CNGB3: variants seen among roughly 807,000 people sequenced by gnomAD.
CNGB3 encodes cyclic nucleotide gated channel subunit beta 3, also known as cyclic nucleotide-gated channel beta-3.
In CNGB3, 86 loss-of-function variants were observed where a neutral mutation model predicts 92.8. That is an observed-to-expected ratio of 0.93 (90% confidence interval 0.78 to 1.11). The LOEUF (loss-of-function observed/expected upper bound fraction) is 1.11. Among genes scored for constraint, CNGB3 ranks in the 50% least tolerant of loss-of-function variants. CNGB3 has a pLI of 0.00. For missense variants in CNGB3, 1,026 were observed against 956.8 expected (o/e 1.07, Z -0.95); for synonymous variants, 333 against 332.7 (o/e 1.00, Z -0.01).
chr8:86,674,513 T>G (rs1323370985), intron 3 of CNGB3, among the ~76,000 whole-genome samples: 1 of 152,250 alleles, frequency 6.6e-6, no homozygotes, highest in Non-Finnish European at 1.5e-5. Flanking sequence ...GAATGTATTT[T>G]TCTTTAGGTA....
intron 11 of CNGB3, among the ~76,000 whole-genome samples, chr8:86,631,178 G>A (rs1045289288): frequency 6.6e-6 from 1 of 152,068 alleles, no homozygotes; most frequent in African/African-American, 2.4e-5. Flanking sequence ...TCAAACATTC[G>A]TGTGTGTATG....
At chr8:86,581,311 T>C (rs554209824) in intron 15 of CNGB3, among the ~76,000 whole-genome samples, 1 of 152,186 alleles carries the variant, frequency 6.6e-6, no homozygotes, top group South Asian at 2.1e-4. Flanking sequence ...TTTTAATAAA[T>C]TGTTGGAGGC....
rs549726875 is a variant in CNGB3, at chr8:86,673,672, T to C, written c.339-2574A>G. On this transcript the variant is annotated intron_variant, in intron 3 of 17. Transcript: ENST00000320005. ...AGCTGTACTGGAGCTTTTGGATAATTCAAAGAAGAAATCAAGAATGACTAA... is the reference window on the plus strand; with the variant it reads ...AGCTGTACTGGAGCTTTTGGATAATCCAAAGAAGAAATCAAGAATGACTAA... Among the ~76,000 whole-genome samples, 13 of 152,248 alleles carry C rather than the reference T, an allele frequency of 8.5e-5. No homozygotes were observed. The South Asian group carries it at 1.7e-3, about 19-fold the overall frequency.
intron 15 of CNGB3, chr8:86,593,871 C>G (rs1228951970): frequency 2.8e-6 from 2 of 705,348 alleles, no homozygotes; most frequent in Non-Finnish European, 5.0e-6. Flanking sequence ...GGCAGCATAG[C>G]CAGGTCCTGC....
At chr8:86,615,659 T>C (rs980147131) in intron 13 of CNGB3, among the ~76,000 whole-genome samples, 1 of 152,050 alleles carries the variant, frequency 6.6e-6, no homozygotes, top group African/African-American at 2.4e-5. Flanking sequence ...AAACTATATA[T>C]ATTTAAATAT....
intron 14 of CNGB3, among the ~76,000 whole-genome samples, chr8:86,604,627 C>A (rs1158337981): frequency 6.6e-6 from 1 of 152,146 alleles, no homozygotes; most frequent in Non-Finnish European, 1.5e-5. Context: ...CAATTCTATT[C>A]ATCTACCCAT....
chr8:86,581,580 G>A (rs1244013140), intron 15 of CNGB3, among the ~76,000 whole-genome samples: 1 of 152,166 alleles, frequency 6.6e-6, no homozygotes, highest in Non-Finnish European at 1.5e-5. Context: ...CCTGAGGGAA[G>A]AACATTTTTC....
At chr8:86,740,532 C>T (rs1009714262) in intron 1 of CNGB3, among the ~76,000 whole-genome samples, 2 of 152,056 alleles carry the variant, frequency 1.3e-5, no homozygotes, top group African/African-American at 2.4e-5. Context: ...AAGCCAAAGG[C>T]GTGACTGTAC....
chr8:86,659,641 C>T, intron 6 of CNGB3: 1 of 500,212 alleles, frequency 2.0e-6, no homozygotes. Flanking sequence ...CTGCAGGCAG[C>T]TGGCCAGATC....
At chr8:86,611,953 A>G (rs1333647387) in intron 13 of CNGB3, among the ~76,000 whole-genome samples, 1 of 152,132 alleles carries the variant, frequency 6.6e-6, no homozygotes, top group Non-Finnish European at 1.5e-5. Flanking sequence ...TAACCTGTAA[A>G]ATGGGGATAA....
At chr8:86,730,913 G>T (rs1377486367) in intron 2 of CNGB3, among the ~76,000 whole-genome samples, 2 of 152,160 alleles carry the variant, frequency 1.3e-5, no homozygotes, top group African/African-American at 2.4e-5. Flanking sequence ...ACAGAAAAAT[G>T]ACATACTTTA....
intron 15 of CNGB3, chr8:86,593,816 T>A: frequency 8.1e-7 from 1 of 1,231,518 alleles, no homozygotes; most frequent in South Asian, 1.2e-5. Flanking sequence ...CTTGTCCACA[T>A]CTGTCAGGTC....
At chr8:86,738,578 G>A (rs947340092) in intron 2 of CNGB3, among the ~76,000 whole-genome samples, 1 of 152,160 alleles carries the variant, frequency 6.6e-6, no homozygotes, top group Admixed American at 6.5e-5. Context: ...GGTGGCTCAC[G>A]CCTGTAATCC....
chr8:86,671,034 G>T lies in CNGB3; in HGVS notation c.403C>A (p.Leu135Met), dbSNP rs767209573. 4 of 1,613,916 alleles carry T rather than the reference G, an allele frequency of 2.5e-6. No homozygotes were observed. Among genetic ancestry groups the T allele is most frequent in the Non-Finnish European group, 3.4e-6 (4 of 1,180,020 alleles). ...NEYADAQLHN[L>M]VKRMRQRTAL... Reference sequence around the variant, plus strand: ...GTTCTTTGACGCATTCTTTTCACCAGGTTGTGTAGCTGGGCATCGGCATAC... The same window carrying T: ...GTTCTTTGACGCATTCTTTTCACCATGTTGTGTAGCTGGGCATCGGCATAC... The change falls in exon 4 of 18, where the codon CTG (leucine) becomes ATG (methionine). Residue 135 changes from leucine (L) to methionine (M), a missense_variant. Leu to Met is a conservative substitution (Grantham distance 15). Transcript: ENST00000320005.
At chr8:86,644,338 G>A (rs1406072446) in intron 9 of CNGB3, among the ~76,000 whole-genome samples, 3 of 151,406 alleles carry the variant, frequency 2.0e-5, no homozygotes, top group Non-Finnish European at 4.4e-5. Context: ...AAGGTTTAAA[G>A]TTAACTTGCA....
At chr8:86,721,599 T>G (rs1287952389) in intron 3 of CNGB3, among the ~76,000 whole-genome samples, 1 of 152,186 alleles carries the variant, frequency 6.6e-6, no homozygotes, top group African/African-American at 2.4e-5. Context: ...TTAAATTGTT[T>G]GCAATGTTTA....
intron 3 of CNGB3, among the ~76,000 whole-genome samples, chr8:86,694,463 C>T (rs1182710742): frequency 1.1e-4 from 17 of 150,560 alleles, no homozygotes; most frequent in Non-Finnish European, 1.5e-4. Context: ...ACTTCCCAGA[C>T]GGGGTGGCTG....
chr8:86,594,087 C>G, intron 15 of CNGB3: 1 of 318,128 alleles, frequency 3.1e-6, no homozygotes, highest in Non-Finnish European at 6.3e-6. Flanking sequence ...ATCCAGGATC[C>G]TGGAGGTCGG....
intron 3 of CNGB3, among the ~76,000 whole-genome samples, chr8:86,720,924 G>A (rs1824960752): frequency 6.8e-6 from 1 of 146,360 alleles, no homozygotes; most frequent in South Asian, 2.2e-4. Flanking sequence ...CAAAATAATG[G>A]CATTTTCAGC....
Sources: allele counts gnomAD v4.1 joint callset (sites outside exome capture counted in the v4.1 genomes callset), GRCh38; gene constraint gnomAD v4.1.1; transcripts MANE v1.5; gene names NCBI Gene and HGNC (gene_info 2026-07-23, HGNC 2026-07-21).